DOK6: variants seen among roughly 807,000 people sequenced by gnomAD.
DOK6 encodes the protein downstream of tyrosine kinase 6.
A neutral mutation model predicts 44.0 loss-of-function variants in DOK6; 22 were observed. The ratio of observed to expected loss-of-function variants is 0.50; its 90% confidence interval spans 0.36 to 0.71. The LOEUF is 0.71. Ranked by LOEUF, DOK6 falls within the 30% of genes least tolerant of loss-of-function variation. The probability of loss-of-function intolerance (pLI) is 0.00; values close to 1 mark genes in which losing one functional copy is unlikely to be tolerated. For synonymous variants in DOK6, 166 were observed against 145.5 expected (o/e 1.14, Z -1.01); for missense variants, 340 against 416.4 (o/e 0.82, Z 1.60).
intron 3 of DOK6, chr18:69,643,877 GTCCAGTTTTCACAACCT>G (rs1379446721): frequency 6.6e-6 from 1 of 152,154 alleles, no homozygotes; most frequent in Non-Finnish European, 1.5e-5. Context: ...TCTATTAGTA[GTCCAGTTTTCACAACCT>G]TGCCAGCATT....
At chr18:69,488,979 T>C (rs1238877888) in intron 1 of DOK6, among the ~76,000 whole-genome samples, 2 of 152,226 alleles carry the variant, frequency 1.3e-5, no homozygotes, top group Non-Finnish European at 2.9e-5. Flanking sequence ...TCAGCTCTTA[T>C]TGATGGAGTC....
intron 3 of DOK6, among the ~76,000 whole-genome samples, chr18:69,606,101 G>T (rs564772792): frequency 6.6e-6 from 1 of 151,946 alleles, no homozygotes; most frequent in Non-Finnish European, 1.5e-5. Context: ...GTGAAACCCT[G>T]TCTCTACTAA....
chr18:69,834,304 T>C (rs2145134867), intron 7 of DOK6, among the ~76,000 whole-genome samples: 1 of 152,234 alleles, frequency 6.6e-6, no homozygotes. Context: ...ACGTTCTCAC[T>C]CATATGTGAG....
At position 69,434,954 on chromosome 18, in the gene DOK6, G is replaced by GGAAGGAAGGAAGGAA. The variant is rs1568256358; in HGVS notation, c.66+33645_66+33646insAAGGAAGGAAGGAAG. On this transcript the variant is annotated intron_variant, in intron 1 of 7. Coordinates refer to ENST00000382713, the MANE Select transcript of DOK6 (RefSeq NM_152721.6). ...AGGGAGGGAGGGAGGGAGGGAGGGA[G>GGAAGGAAGGAAGGAA]GGAAGGAAGGAAGGAAGGAAGGAAG... is the stretch of plus-strand genomic sequence containing the variant. Among the ~76,000 whole-genome samples the GGAAGGAAGGAAGGAA allele has an allele frequency of 2.0e-3, 127 of 62,964 alleles. 3 individuals are homozygous for GGAAGGAAGGAAGGAA. Among genetic ancestry groups the GGAAGGAAGGAAGGAA allele is most frequent in the Admixed American group, 6.0e-3 (30 of 5,018 alleles). The allele number at this position is 62,964 out of a possible 152,430, so 41.3% of individuals were successfully genotyped here. A position where few individuals can be genotyped will look rare whatever the true frequency, so the allele number is the denominator to read the frequency against.
intron 7 of DOK6, among the ~76,000 whole-genome samples, chr18:69,817,372 T>G (rs1981431172): frequency 6.6e-6 from 1 of 152,154 alleles, no homozygotes; most frequent in African/African-American, 2.4e-5. Flanking sequence ...TCTCCAACAT[T>G]TACCAAAGTC....
intron 1 of DOK6, among the ~76,000 whole-genome samples, chr18:69,506,928 TA>T (rs1287445458): frequency 6.6e-6 from 1 of 152,100 alleles, no homozygotes; most frequent in African/African-American, 2.4e-5. Flanking sequence ...TATGTATATT[TA>T]AATATATATA....
At chr18:69,761,732 A>G (rs1426100790) in intron 7 of DOK6, among the ~76,000 whole-genome samples, 13 of 152,144 alleles carry the variant, frequency 8.5e-5, no homozygotes, top group Non-Finnish European at 4.4e-5. Context: ...GGTCCTCTCT[A>G]GAAGGGTGAC....
At chr18:69,490,532 T>C (rs1980706346) in intron 1 of DOK6, among the ~76,000 whole-genome samples, 1 of 152,212 alleles carries the variant, frequency 6.6e-6, no homozygotes, top group Non-Finnish European at 1.5e-5. Context: ...TTCATTAATA[T>C]ATGCCTGTTA....
chr18:69,580,724 A>AT (rs1568302476), intron 2 of DOK6, among the ~76,000 whole-genome samples: 1 of 152,132 alleles, frequency 6.6e-6, no homozygotes, highest in East Asian at 1.9e-4. Context: ...GAAAATATAT[A>AT]ATATATTGTT....
intron 1 of DOK6, among the ~76,000 whole-genome samples, chr18:69,417,328 T>C (rs1978367244): frequency 1.3e-5 from 2 of 152,150 alleles, no homozygotes; most frequent in African/African-American, 2.4e-5. Context: ...TTTGTCTTCC[T>C]GAGCCTGGCT....
chr18:69,513,355 C>T (rs1202140204), intron 1 of DOK6, among the ~76,000 whole-genome samples: 3 of 152,180 alleles, frequency 2.0e-5, no homozygotes, highest in African/African-American at 4.8e-5. Flanking sequence ...TGAGCACGTG[C>T]GTGGGTGCGC....
intron 1 of DOK6, among the ~76,000 whole-genome samples, chr18:69,549,832 ATTAGATTTATC>A (rs1219756074): frequency 1.3e-5 from 2 of 149,898 alleles, no homozygotes; most frequent in Non-Finnish European, 3.0e-5. Context: ...GAAAGAATTT[ATTAGATTTATC>A]TAAGAAAACG....
chr18:69,823,570 G>A (rs1316299863), intron 7 of DOK6, among the ~76,000 whole-genome samples: 1 of 151,972 alleles, frequency 6.6e-6, no homozygotes, highest in Non-Finnish European at 1.5e-5. Flanking sequence ...GCTGAGGCTG[G>A]AGAAGCACAT....
chr18:69,727,050 T>C (rs760542270), intron 5 of DOK6, among the ~76,000 whole-genome samples: 3 of 151,884 alleles, frequency 2.0e-5, no homozygotes, highest in Non-Finnish European at 4.4e-5. Context: ...AGCAACAGGG[T>C]CCTACACTAC....
chr18:69,614,797 G>A (rs1394292899), intron 3 of DOK6, among the ~76,000 whole-genome samples: 2 of 149,598 alleles, frequency 1.3e-5, no homozygotes, highest in African/African-American at 2.5e-5. Flanking sequence ...TAATATATAT[G>A]TATATACACA....
At chr18:69,728,715 GA>G (rs1379889656) in intron 5 of DOK6, among the ~76,000 whole-genome samples, 7 of 152,160 alleles carry the variant, frequency 4.6e-5, no homozygotes, top group African/African-American at 1.4e-4. Context: ...TTGTGGAAGA[GA>G]AAAGGTCTCC....
intron 1 of DOK6, among the ~76,000 whole-genome samples, chr18:69,415,574 C>G (rs909040916): frequency 3.3e-5 from 5 of 151,954 alleles, no homozygotes; most frequent in African/African-American, 9.7e-5. Flanking sequence ...ACAGTTTTAC[C>G]CCAGTAGCTA....
intron 5 of DOK6, among the ~76,000 whole-genome samples, chr18:69,735,494 T>A (rs1978574399): frequency 6.6e-6 from 1 of 152,238 alleles, no homozygotes; most frequent in African/African-American, 2.4e-5. Context: ...GGCAAAACCT[T>A]CCAAGGCCCC....
chr18:69,571,478 G>A (rs530425862), intron 2 of DOK6, among the ~76,000 whole-genome samples: 1 of 151,896 alleles, frequency 6.6e-6, no homozygotes, highest in South Asian at 2.1e-4. Flanking sequence ...CTAACAATAG[G>A]CTGTCTACAA....
Sources: gnomAD v4.1 joint callset for allele counts (sites outside exome capture counted in the v4.1 genomes callset) on GRCh38, gnomAD v4.1.1 for gene constraint, MANE v1.5 for transcripts, NCBI Gene and HGNC (gene_info 2026-07-23, HGNC 2026-07-21) for gene names.